The following SRGAP2 variants were observed in gnomAD, a reference collection of about 807,000 sequenced individuals.
The protein encoded by SRGAP2 is SLIT-ROBO Rho GTPase activating protein 2.
Under a neutral mutation model 57.2 loss-of-function variants are expected in SRGAP2, and 15 were observed. That is an observed-to-expected ratio of 0.26 (90% CI 0.18 to 0.40). The LOEUF is 0.40. SRGAP2 is among the 10% of genes least tolerant of loss of function. SRGAP2 has a pLI of 1.00. For missense variants in SRGAP2, 520 were observed against 669.6 expected (o/e 0.78, Z 2.47); for synonymous variants, 249 against 248.0 (o/e 1.00, Z -0.04).
In SRGAP2 at chr1:206,458,870, A is replaced by C. The variant is rs1553379522; in HGVS notation, c.2755A>C (p.Ile919Leu). ...SLKNRLDSPQ[I>L]RKTATAGRSK... Reference sequence around the variant, plus strand: ...GAAGAATCGGCTGGATAGTCCACAGATCCGGAAGACTGCCACAGCGGGAAG... The same window carrying C: ...GAAGAATCGGCTGGATAGTCCACAGCTCCGGAAGACTGCCACAGCGGGAAG... Residue 919 changes from isoleucine to leucine, a missense_variant, in exon 22 of 23, where the codon ATC becomes CTC. Ile to Leu is a conservative substitution (Grantham distance 5). This residue lies in a region of SRGAP2 where 478 missense variants were observed against 373.6 expected (regional missense o/e 1.28). Transcript: ENST00000573034. 1 of 780,570 alleles carries C rather than the reference A, an allele frequency of 1.3e-6. No homozygotes were observed. The highest frequency in any genetic ancestry group is 1.7e-5 in the Admixed American group (1 of 58,996). The allele number at this position is 780,570 out of a possible 1,614,324, so 48.4% of individuals were successfully genotyped here.
intron 2 of SRGAP2, among the ~76,000 whole-genome samples, chr1:206,209,426 A>G (rs1351332462): frequency 1.3e-5 from 2 of 149,202 alleles, no homozygotes; most frequent in Admixed American, 1.3e-4. Context: ...TTGCCTCCCT[A>G]TAAACCACCT....
At chr1:206,307,854 G>A (rs1162174549) in intron 3 of SRGAP2, among the ~76,000 whole-genome samples, 1 of 152,074 alleles carries the variant, frequency 6.6e-6, no homozygotes, top group East Asian at 1.9e-4. Context: ...CTCCCTGCAA[G>A]CTGAGGGAGT....
Position 206,446,180 on chromosome 1 carries a change from C to T in SRGAP2, c.1980C>T (p.Cys660=), listed in dbSNP as rs201220845. 1.2e-3 allele frequency: 913 copies of T among 780,950 alleles called. 1 individual carries two copies. Among genetic ancestry groups the T allele is most frequent in the Non-Finnish European group, 1.9e-3 (806 of 417,994 alleles). 48.4% of individuals were successfully genotyped at this position (780,950 alleles called of 1,614,324 possible). The stretch of plus-strand genomic sequence containing the variant: ...CAGAGGGCCACGACCAGGTGTCCTG[C>T]CAAGCCCACGTGAATGAGCTGATCA... The part of the protein sequence containing the change: ...SVPEGHDQVS[C]QAHVNELIKT... Residue 660 remains cysteine (C), a synonymous_variant, in exon 18 of 23, where the codon TGC becomes TGT. Transcript: ENST00000573034.
At chr1:206,329,572 T>G (rs1489201879) in intron 3 of SRGAP2, among the ~76,000 whole-genome samples, 1 of 97,932 alleles carries the variant, frequency 1.0e-5, no homozygotes, top group Non-Finnish European at 2.1e-5. Context: ...TTTGAAGCAA[T>G]TGTGAATGGG....
chr1:206,307,515 CG>C (rs1226686049), intron 3 of SRGAP2, among the ~76,000 whole-genome samples: 1 of 152,050 alleles, frequency 6.6e-6, no homozygotes, highest in Non-Finnish European at 1.5e-5. Context: ...TGGTGCTCGT[CG>C]GGGAGGCTCC....
intron 2 of SRGAP2, among the ~76,000 whole-genome samples, chr1:206,267,287 G>T (rs1443387397): frequency 6.6e-6 from 1 of 152,152 alleles, no homozygotes; most frequent in African/African-American, 2.4e-5. Flanking sequence ...CATTCATGGC[G>T]CTAGAGGCTC....
Position 206,419,989 on chromosome 1 carries a change from G to A in SRGAP2, c.1469+589G>A, listed in dbSNP as rs75309845. On this transcript the variant is annotated intron_variant, in intron 12 of 22. Coordinates refer to ENST00000573034, the MANE Select transcript of SRGAP2 (RefSeq NM_015326.5). ...ACCTTCCCCTTCCTCCTCCACCCCA[G>A]CCAAATATTTTCCCTCTCAGTCATG... Among the ~76,000 whole-genome samples, 1,505 of 151,912 alleles carry A rather than the reference G, an allele frequency of 9.9e-3. 33 individuals are homozygous for A. Among genetic ancestry groups the A allele is most frequent in the African/African-American group, 0.035 (1,438 of 41,382 alleles).
chr1:206,318,604 G>A (rs1553326647), intron 3 of SRGAP2, among the ~76,000 whole-genome samples: 1 of 152,206 alleles, frequency 6.6e-6, no homozygotes, highest in Non-Finnish European at 1.5e-5. Context: ...GGTTTGATTG[G>A]CTCATGGTTC....
intron 5 of SRGAP2, among the ~76,000 whole-genome samples, chr1:206,384,558 AAG>A (rs1558371067): frequency 2.0e-5 from 3 of 152,336 alleles, no homozygotes; most frequent in African/African-American, 7.2e-5. Context: ...TGTCCCCAGT[AAG>A]AGGGACCAGT....
intron 5 of SRGAP2, among the ~76,000 whole-genome samples, chr1:206,389,889 A>G (rs1461583111): frequency 6.6e-6 from 1 of 151,488 alleles, no homozygotes; most frequent in African/African-American, 2.4e-5. Context: ...GTATATGTAT[A>G]TCTTTATGTA....
intron 2 of SRGAP2, among the ~76,000 whole-genome samples, chr1:206,298,576 G>A (rs1395701860): frequency 1.3e-5 from 2 of 152,082 alleles, no homozygotes; most frequent in African/African-American, 4.8e-5. Flanking sequence ...TATTCACAAG[G>A]TTGAGCAACA....
At chr1:206,361,472 C>T (rs1553340598) in intron 4 of SRGAP2, among the ~76,000 whole-genome samples, 1 of 152,136 alleles carries the variant, frequency 6.6e-6, no homozygotes, top group African/African-American at 2.4e-5. Flanking sequence ...CCTGGAGATC[C>T]TGTGAGGATA....
intron 2 of SRGAP2, among the ~76,000 whole-genome samples, chr1:206,231,884 A>G (rs1438001319): frequency 2.0e-5 from 3 of 152,076 alleles, no homozygotes; most frequent in South Asian, 2.1e-4. Flanking sequence ...GATCATCACA[A>G]TCCCTTTTAG....
intron 3 of SRGAP2, among the ~76,000 whole-genome samples, chr1:206,306,538 T>C (rs1218402575): frequency 1.3e-5 from 2 of 152,084 alleles, no homozygotes; most frequent in African/African-American, 2.4e-5. Flanking sequence ...CCTTCCACCG[T>C]GTGGAAGGGG....
chr1:206,361,586 A>G (rs1244505457), intron 4 of SRGAP2, among the ~76,000 whole-genome samples: 1 of 150,834 alleles, frequency 6.6e-6, no homozygotes, highest in Non-Finnish European at 1.5e-5. Flanking sequence ...AAAATTCTTG[A>G]AAGAGTCACA....
At chr1:206,253,861 C>T (rs1350727289) in intron 2 of SRGAP2, among the ~76,000 whole-genome samples, 1 of 149,942 alleles carries the variant, frequency 6.7e-6, no homozygotes, top group African/African-American at 2.5e-5. Context: ...GTTATAACAG[C>T]ATGAAATAGA....
chr1:206,251,901 C>T (rs1345175054), intron 2 of SRGAP2, among the ~76,000 whole-genome samples: 1 of 85,152 alleles, frequency 1.2e-5, no homozygotes, highest in African/African-American at 5.3e-5. Flanking sequence ...GATGGGGTTT[C>T]GCCATGTGGG....
At chr1:206,427,160 A>T (rs1276183802) in intron 13 of SRGAP2, among the ~76,000 whole-genome samples, 1 of 152,054 alleles carries the variant, frequency 6.6e-6, no homozygotes, top group Non-Finnish European at 1.5e-5. Context: ...GAGAGATAGG[A>T]TCTAGTTTCA....
chr1:206,298,552 C>T (rs1671709851), intron 2 of SRGAP2, among the ~76,000 whole-genome samples: 2 of 152,066 alleles, frequency 1.3e-5, no homozygotes, highest in African/African-American at 4.8e-5. Context: ...GTGTACAATT[C>T]AATTTTTTAA....
Sources: allele counts gnomAD v4.1 joint callset (sites outside exome capture counted in the v4.1 genomes callset), GRCh38; gene constraint gnomAD v4.1.1; regional missense constraint gnomAD v4.1.1; transcripts MANE v1.5; gene names NCBI Gene and HGNC (gene_info 2026-07-23, HGNC 2026-07-21).